The following CHRNA7 variants were observed in gnomAD, a reference collection of about 807,000 sequenced individuals.
CHRNA7 encodes cholinergic receptor nicotinic alpha 7 subunit, also known as neuronal acetylcholine receptor subunit alpha-7.
A neutral mutation model predicts 48.0 loss-of-function variants in CHRNA7; 17 were observed. That is an observed-to-expected ratio of 0.35 (90% CI 0.24 to 0.53). The LOEUF (loss-of-function observed/expected upper bound fraction) is 0.53, where lower values mean the gene tolerates loss of function less well. Among genes scored for constraint, CHRNA7 ranks in the 20% least tolerant of loss-of-function variants. The pLI is 0.92. For missense variants in CHRNA7, 155 were observed against 577.7 expected (o/e 0.27, Z 7.50); for synonymous variants, 75 against 242.3 (o/e 0.31, Z 6.41).
chr15:32,150,322 T>C (rs1009912754), intron 4 of CHRNA7, among the ~76,000 whole-genome samples: 2 of 152,168 alleles, frequency 1.3e-5, no homozygotes, highest in African/African-American at 4.8e-5. Flanking sequence ...CCTCCCAAAG[T>C]GCTAATATTA....
intron 4 of CHRNA7, among the ~76,000 whole-genome samples, chr15:32,148,673 C>A (rs554350662): frequency 6.6e-6 from 1 of 152,334 alleles, no homozygotes; most frequent in South Asian, 2.1e-4. Flanking sequence ...GCTTGTAATC[C>A]CATAAGGATT....
intron 3 of CHRNA7, among the ~76,000 whole-genome samples, chr15:32,110,732 C>G (rs779873413): frequency 6.6e-6 from 1 of 152,186 alleles, no homozygotes; most frequent in African/African-American, 2.4e-5. Flanking sequence ...TTATTTTGGT[C>G]TAAAATCAAA....
At chr15:32,125,086 T>C (rs1454173310) in intron 4 of CHRNA7, among the ~76,000 whole-genome samples, 3 of 152,272 alleles carry the variant, frequency 2.0e-5, no homozygotes, top group East Asian at 3.9e-4. Flanking sequence ...AAGAAAGATA[T>C]CTAAATATTA....
At chr15:32,092,035 A>T (rs1323129675) in intron 2 of CHRNA7, among the ~76,000 whole-genome samples, 2 of 152,126 alleles carry the variant, frequency 1.3e-5, no homozygotes, top group Non-Finnish European at 2.9e-5. Flanking sequence ...TGTTGTAGTC[A>T]CCATTTCAGC....
At chr15:32,073,871 G>C (rs950918811) in intron 2 of CHRNA7, among the ~76,000 whole-genome samples, 4 of 152,268 alleles carry the variant, frequency 2.6e-5, no homozygotes, top group East Asian at 1.9e-4. Flanking sequence ...GCAACCTGCA[G>C]AACCAGAAAC....
At chr15:32,039,383 A>C (rs1595373288) in intron 2 of CHRNA7, among the ~76,000 whole-genome samples, 1 of 152,156 alleles carries the variant, frequency 6.6e-6, no homozygotes, top group Middle Eastern at 3.4e-3. Context: ...TGTACATTTC[A>C]ATACTGTATT....
At chr15:32,135,036 A>G (rs1380122615) in intron 4 of CHRNA7, among the ~76,000 whole-genome samples, 38 of 152,174 alleles carry the variant, frequency 2.5e-4, no homozygotes, top group Admixed American at 2.5e-3. Flanking sequence ...CAACCTTCTG[A>G]GGAAAGCGCT....
intron 4 of CHRNA7, among the ~76,000 whole-genome samples, chr15:32,119,730 T>C (rs2050934718): frequency 6.6e-6 from 1 of 152,176 alleles, no homozygotes; most frequent in South Asian, 2.1e-4. Context: ...TCTTTTCTGC[T>C]TGTACACTCC....
At chr15:32,132,770 C>G (rs1039027608) in intron 4 of CHRNA7, among the ~76,000 whole-genome samples, 1 of 152,162 alleles carries the variant, frequency 6.6e-6, no homozygotes, top group Non-Finnish European at 1.5e-5. Context: ...CTGATTTAAC[C>G]CTGGTCAGCT....
intron 2 of CHRNA7, among the ~76,000 whole-genome samples, chr15:32,074,885 G>A (rs1291655925): frequency 6.6e-6 from 1 of 152,010 alleles, no homozygotes; most frequent in African/African-American, 2.4e-5. Flanking sequence ...CTGACCTCAG[G>A]TGATCCACCC....
At chr15:32,030,502 C>G (rs1231423420), upstream of CHRNA7, 412 of 1,261,508 alleles carry the variant, frequency 3.3e-4, no homozygotes, top group Non-Finnish European at 3.9e-4. Context: ...GCGCGCGAGC[C>G]GAGCGGCGAG....
chr15:32,059,725 T>G (rs2049845264), intron 2 of CHRNA7, among the ~76,000 whole-genome samples: 1 of 151,902 alleles, frequency 6.6e-6, no homozygotes. Flanking sequence ...TATAGAGAAA[T>G]GATTTTTTTT....
chr15:32,058,428 G>T (rs1377997285), intron 2 of CHRNA7, among the ~76,000 whole-genome samples: 5 of 152,196 alleles, frequency 3.3e-5, no homozygotes, highest in African/African-American at 7.2e-5. Context: ...CTTTCCGGGG[G>T]TGTTTTGCAA....
chr15:32,122,475 C>CT (rs1022704410), intron 4 of CHRNA7, among the ~76,000 whole-genome samples: 37 of 152,054 alleles, frequency 2.4e-4, no homozygotes, highest in African/African-American at 8.5e-4. Context: ...TATTTGTGGT[C>CT]TTTTTTTAAT....
At chr15:32,106,640 A>G (rs76592095) in intron 3 of CHRNA7, among the ~76,000 whole-genome samples, 2,515 of 152,308 alleles carry the variant, frequency 0.017, 83 homozygotes, top group African/African-American at 0.057. Flanking sequence ...TCTATGAGAA[A>G]AAAATGACAG....
chr15:32,049,996 A>G (rs1188276910), intron 2 of CHRNA7, among the ~76,000 whole-genome samples: 4 of 152,106 alleles, frequency 2.6e-5, no homozygotes, highest in Admixed American at 2.0e-4. Context: ...TGGCTTGTAG[A>G]GTTTCTGCCG....
intron 4 of CHRNA7, among the ~76,000 whole-genome samples, chr15:32,145,492 G>C (rs891491931): frequency 1.3e-5 from 2 of 152,226 alleles, no homozygotes; most frequent in Non-Finnish European, 2.9e-5. Flanking sequence ...GAAGTTGTCT[G>C]CTGCCTTTTG....
intron 4 of CHRNA7, among the ~76,000 whole-genome samples, chr15:32,114,171 A>C (rs927557037): frequency 6.6e-6 from 1 of 150,722 alleles, no homozygotes; most frequent in Admixed American, 6.6e-5. Flanking sequence ...GCACCCCACC[A>C]TATTATATGT....
At chr15:32,033,011 G>A (rs1339732355) in intron 2 of CHRNA7, among the ~76,000 whole-genome samples, 3 of 152,148 alleles carry the variant, frequency 2.0e-5, no homozygotes, top group African/African-American at 7.2e-5. Context: ...TACAAAAATA[G>A]CACATTGGCA....
Sources: allele counts gnomAD v4.1 joint callset (sites outside exome capture counted in the v4.1 genomes callset), GRCh38; gene constraint gnomAD v4.1.1; transcripts MANE v1.5; gene names NCBI Gene and HGNC (gene_info 2026-07-23, HGNC 2026-07-21).